The following TPD52 variants were observed in gnomAD, a reference collection of about 807,000 sequenced individuals.
TPD52 encodes prostate and colon associated protein.
In TPD52, 17 loss-of-function variants were observed where a neutral mutation model predicts 31.3. That is an observed-to-expected ratio of 0.54 (90% CI 0.37 to 0.82). TPD52 has a LOEUF of 0.82. Among genes scored for constraint, TPD52 ranks in the 40% least tolerant of loss-of-function variants. The pLI, the probability that TPD52 is intolerant of heterozygous loss-of-function variation, is 0.00. For missense variants in TPD52, 212 were observed against 240.1 expected (o/e 0.88, Z 0.77); for synonymous variants, 83 against 89.6 (o/e 0.93, Z 0.42).
At chr8:80,132,772 C>T (rs1549459) in intron 1 of TPD52, among the ~76,000 whole-genome samples, 57,069 of 151,940 alleles carry the variant, frequency 0.38, 11,526 homozygotes, top group East Asian at 0.71. Context: ...TAAAAGCAGA[C>T]GTCCTTTTGT....
chr8:80,140,045 C>G (rs111563853), intron 1 of TPD52, among the ~76,000 whole-genome samples: 3 of 152,332 alleles, frequency 2.0e-5, no homozygotes, highest in East Asian at 1.9e-4. Flanking sequence ...AATAAAGCAG[C>G]CTTTGTTTTA....
chr8:80,096,702 A>G (rs767630057), intron 1 of TPD52, among the ~76,000 whole-genome samples: 8 of 152,082 alleles, frequency 5.3e-5, no homozygotes, highest in Admixed American at 2.0e-4. Context: ...GGATGCCACA[A>G]ACGACACCCA....
intron 1 of TPD52, among the ~76,000 whole-genome samples, chr8:80,086,887 A>C (rs1311539652): frequency 7.3e-6 from 1 of 136,222 alleles, no homozygotes. Flanking sequence ...CAAAAAAAAA[A>C]AAAAAAAAAA....
intron 1 of TPD52, among the ~76,000 whole-genome samples, chr8:80,083,664 G>C (rs1024364044): frequency 1.3e-5 from 2 of 152,168 alleles, no homozygotes; most frequent in African/African-American, 4.8e-5. Flanking sequence ...AGAACTGTGA[G>C]TCAATTAAAC....
downstream of TPD52, among the ~76,000 whole-genome samples, chr8:80,031,646 T>C (rs970264232): frequency 6.6e-6 from 1 of 151,904 alleles, no homozygotes; most frequent in Admixed American, 6.6e-5. Context: ...TTGCTTGAGA[T>C]GAGGAGTCCG....
intron 1 of TPD52, among the ~76,000 whole-genome samples, chr8:80,117,356 T>TA (rs1807934625): frequency 6.6e-6 from 1 of 152,198 alleles, no homozygotes; most frequent in Non-Finnish European, 1.5e-5. Context: ...TTTCAATGAA[T>TA]AACCTAAAAT....
intron 1 of TPD52, among the ~76,000 whole-genome samples, chr8:80,163,020 GT>G (rs1480818732): frequency 2.6e-5 from 4 of 152,170 alleles, no homozygotes; most frequent in African/African-American, 9.7e-5. Context: ...CTTGTGTACT[GT>G]TGGTGCAAAT....
chr8:80,128,969 T>G (rs1323367556), intron 1 of TPD52, among the ~76,000 whole-genome samples: 1 of 152,038 alleles, frequency 6.6e-6, no homozygotes, highest in African/African-American at 2.4e-5. Context: ...TACAAAAATA[T>G]AAATTACAAG....
At chr8:80,041,139 T>C (rs984814317) in intron 7 of TPD52, among the ~76,000 whole-genome samples, 4 of 152,154 alleles carry the variant, frequency 2.6e-5, no homozygotes, top group African/African-American at 9.7e-5. Flanking sequence ...AAGGCGCCTG[T>C]CAGGGGGTGG....
chr8:80,077,592 C>A (rs916694840), intron 1 of TPD52, among the ~76,000 whole-genome samples: 4 of 152,134 alleles, frequency 2.6e-5, no homozygotes, highest in Non-Finnish European at 5.9e-5. Context: ...AAACAAAAAA[C>A]CAAACCACTA....
intron 2 of TPD52, among the ~76,000 whole-genome samples, chr8:80,060,184 T>C (rs151235687): frequency 5.5e-4 from 64 of 115,864 alleles, no homozygotes; most frequent in African/African-American, 2.0e-3. Flanking sequence ...ATAACTAAAA[T>C]CAAATGAAAG....
chr8:80,160,692 T>C (rs145264562), intron 1 of TPD52, among the ~76,000 whole-genome samples: 1 of 152,160 alleles, frequency 6.6e-6, no homozygotes, highest in Non-Finnish European at 1.5e-5. Flanking sequence ...TTTTAAAAAC[T>C]ACTACTAACA....
At position 80,037,888 on chromosome 8, in the gene TPD52, T is replaced by C. The variant is rs747233072; in HGVS notation, c.*228A>G. The C allele has an allele frequency of 6.9e-6, 3 of 432,610 alleles. No individual in the cohort carries two copies. Among genetic ancestry groups the C allele is most frequent in the Non-Finnish European group, 1.2e-5 (3 of 246,732 alleles). The allele number at this position is 432,610 out of a possible 1,614,324, so 26.8% of individuals were successfully genotyped here. A position where few individuals can be genotyped will look rare whatever the true frequency, so the allele number is the denominator to read the frequency against. ...CCATTTACTATAAGTGTTTTTATAA[T>C]GGTGTTTCCTAAATAAAGGAACATA... is the stretch of plus-strand genomic sequence containing the variant. On this transcript the variant is annotated 3_prime_UTR_variant, in exon 8 of 8. Coordinates refer to ENST00000518937, the MANE Select transcript of TPD52 (RefSeq NM_001025253.3).
chr8:80,101,982 G>A (rs1302704623), intron 1 of TPD52, among the ~76,000 whole-genome samples: 1 of 152,202 alleles, frequency 6.6e-6, no homozygotes, highest in Non-Finnish European at 1.5e-5. Context: ...GAAAGAGAGT[G>A]CATGCAACTA....
At chr8:80,132,188 C>T (rs1412691191) in intron 1 of TPD52, among the ~76,000 whole-genome samples, 3 of 151,934 alleles carry the variant, frequency 2.0e-5, no homozygotes, top group Non-Finnish European at 4.4e-5. Flanking sequence ...ACCTGTAGCA[C>T]CTGTTAAAGT....
chr8:80,089,699 C>G (rs997821740), intron 1 of TPD52, among the ~76,000 whole-genome samples: 5 of 152,200 alleles, frequency 3.3e-5, no homozygotes, highest in Non-Finnish European at 4.4e-5. Context: ...TTAAGGAACC[C>G]TTACTATGTG....
At chr8:80,120,172 T>G (rs1197448742) in intron 1 of TPD52, among the ~76,000 whole-genome samples, 1 of 151,972 alleles carries the variant, frequency 6.6e-6, no homozygotes, top group East Asian at 1.9e-4. Context: ...CACAACAAAA[T>G]TGGAATTAAA....
chr8:80,134,183 T>C (rs1809227000), intron 1 of TPD52, among the ~76,000 whole-genome samples: 1 of 152,206 alleles, frequency 6.6e-6, no homozygotes, highest in Non-Finnish European at 1.5e-5. Flanking sequence ...AACTGAATGC[T>C]TACTATGTGC....
intron 1 of TPD52, among the ~76,000 whole-genome samples, chr8:80,071,816 G>C (rs1455988494): frequency 6.6e-6 from 1 of 152,028 alleles, no homozygotes; most frequent in African/African-American, 2.4e-5. Flanking sequence ...GAGCTTTCTA[G>C]AGTGCATATC....
Sources: gnomAD v4.1 joint callset for allele counts (sites outside exome capture counted in the v4.1 genomes callset) on GRCh38, gnomAD v4.1.1 for gene constraint, MANE v1.5 for transcripts, NCBI Gene and HGNC (gene_info 2026-07-23, HGNC 2026-07-21) for gene names.